The following EDEM2 variants were observed in gnomAD, a reference collection of about 807,000 sequenced individuals.
The protein encoded by EDEM2 is ER degradation enhancing alpha-mannosidase like protein 2.
In EDEM2, 39 loss-of-function variants were observed where a neutral mutation model predicts 64.8. The ratio of observed to expected loss-of-function variants is 0.60; its 90% CI spans 0.47 to 0.79. The LOEUF (loss-of-function observed/expected upper bound fraction) is 0.79. Ranked by LOEUF, EDEM2 falls within the 30% of genes least tolerant of loss-of-function variation. The probability of loss-of-function intolerance (pLI) is 0.00; values close to 1 mark genes in which losing one functional copy is unlikely to be tolerated. For missense variants in EDEM2, 609 were observed against 731.3 expected, an observed-to-expected ratio of 0.83 and a Z score of 1.93; for synonymous variants, 296 against 291.5, an observed-to-expected ratio of 1.02 and a Z score of -0.16.
At chr20:35,143,335 T>C (rs972945454) in intron 3 of EDEM2, among the ~76,000 whole-genome samples, 9 of 152,322 alleles carry the variant, frequency 5.9e-5, no homozygotes, top group African/African-American at 2.2e-4. Context: ...TAACATGGCT[T>C]TTAGTCTCTC....
chr20:35,137,126 T>A (rs1357457560), intron 5 of EDEM2, among the ~76,000 whole-genome samples: 1 of 152,084 alleles, frequency 6.6e-6, no homozygotes, highest in Non-Finnish European at 1.5e-5. Context: ...GAAACCAAAC[T>A]GTGGAGAGAG....
intron 7 of EDEM2, among the ~76,000 whole-genome samples, chr20:35,129,621 A>C (rs1449995364): frequency 6.6e-6 from 1 of 152,126 alleles, no homozygotes; most frequent in Non-Finnish European, 1.5e-5. Flanking sequence ...AATTTAAATA[A>C]ATTTAGTATA....
rs145586492 is a variant in EDEM2, at chr20:35,115,720, C to T, written c.1450G>A (p.Ala484Thr). The T allele has an allele frequency of 1.6e-4, 264 of 1,614,192 alleles. No homozygotes were observed. Among genetic ancestry groups the T allele is most frequent in the Admixed American group, 2.7e-4 (16 of 60,022 alleles). ...NTEAHPIDPA[A>T]LHCCQRLKEE... ...TTCAGCCTCTGGCAGCAGTGCAGGG[C>T]GGCAGGGTCGATGGGGTGAGCTTCT... Residue 484 changes from alanine (A) to threonine (T), a missense_variant, in exon 11 of 11, where the codon GCC (alanine) becomes ACC (threonine). Coordinates refer to ENST00000374492, the MANE Select transcript of EDEM2 (RefSeq NM_018217.3).
At chr20:35,124,361 G>A (rs1472867150) in intron 8 of EDEM2, among the ~76,000 whole-genome samples, 1 of 152,132 alleles carries the variant, frequency 6.6e-6, no homozygotes, top group Non-Finnish European at 1.5e-5. Context: ...AAAAGTTTGT[G>A]CTAAGGCTCA....
chr20:35,142,993 T>C (rs1424760114), intron 3 of EDEM2, among the ~76,000 whole-genome samples: 1 of 152,276 alleles, frequency 6.6e-6, no homozygotes, highest in Admixed American at 6.5e-5. Context: ...CCTGACCTCA[T>C]GATCCACCCG....
At chr20:35,126,007 A>C (rs1448290555) in intron 8 of EDEM2, among the ~76,000 whole-genome samples, 2 of 152,144 alleles carry the variant, frequency 1.3e-5, no homozygotes, top group Admixed American at 1.3e-4. Flanking sequence ...CCAGACTGGA[A>C]ATGCACTGTC....
intron 7 of EDEM2, among the ~76,000 whole-genome samples, chr20:35,131,063 C>T (rs1569178844): frequency 6.6e-6 from 1 of 152,110 alleles, no homozygotes; most frequent in Non-Finnish European, 1.5e-5. Context: ...AGAATTTGGA[C>T]ATAGGAAGAC....
At chr20:35,127,633 T>A (rs888352012) in intron 7 of EDEM2, among the ~76,000 whole-genome samples, 1 of 152,248 alleles carries the variant, frequency 6.6e-6, no homozygotes, top group African/African-American at 2.4e-5. Context: ...AAACAGTCCA[T>A]GTTCAGAGCT....
chr20:35,123,546 C>G (rs561196983), intron 9 of EDEM2, among the ~76,000 whole-genome samples: 2 of 150,708 alleles, frequency 1.3e-5, no homozygotes, highest in Admixed American at 6.6e-5. Context: ...GAGCCGAGAT[C>G]ACACCATTGC....
intron 4 of EDEM2, among the ~76,000 whole-genome samples, chr20:35,142,127 G>A (rs1326426578): frequency 6.6e-6 from 1 of 152,092 alleles, no homozygotes; most frequent in Non-Finnish European, 1.5e-5. Context: ...TTAAAGAGGT[G>A]AGTAATCTGG....
In EDEM2 at chr20:35,123,762, C is replaced by A. The variant is rs114246582; in HGVS notation, c.1114+128G>T. On this transcript the variant is annotated intron_variant, in intron 9 of 10. Transcript: ENST00000374492. ...TCCTAGTAAGAAAACCACCCAGAGCCACTGAAAGGAACAGATGGAAAGAAA... is the reference window on the plus strand; with the variant it reads ...TCCTAGTAAGAAAACCACCCAGAGCAACTGAAAGGAACAGATGGAAAGAAA... 1.6e-3 allele frequency: 1,886 copies of A among 1,206,746 alleles called. 24 individuals carry two copies. In the African/African-American group the frequency reaches 0.026, roughly 17 times the overall value. The allele number at this position is 1,206,746 out of a possible 1,614,324, so 74.8% of individuals were successfully genotyped here. A position where few individuals can be genotyped will look rare whatever the true frequency, so the allele number is the denominator to read the frequency against.
chr20:35,116,011 C>A, intron 10 of EDEM2, 78 bp from the exon 11 acceptor site: 5 of 1,504,394 alleles, frequency 3.3e-6, no homozygotes, highest in Non-Finnish European at 4.5e-6. Context: ...CTTAAGAAGG[C>A]CTGTTCTGCC....
Position 35,115,415 on chromosome 20 carries a change from A to T in EDEM2, c.*18T>A. 1 of 1,585,804 alleles carries T rather than the reference A, an allele frequency of 6.3e-7. No individual in the cohort carries two copies. The highest frequency in any genetic ancestry group is 8.6e-7 in the Non-Finnish European group (1 of 1,169,544). On this transcript the variant is annotated 3_prime_UTR_variant, in exon 11 of 11. Coordinates refer to ENST00000374492, the MANE Select transcript of EDEM2 (RefSeq NM_018217.3). ...AGTTTAGCCTCAAAAAAATAAAAATAAAAAAATTATCCAGTGGTTATGAGG... is the reference window on the plus strand; with the variant it reads ...AGTTTAGCCTCAAAAAAATAAAAATTAAAAAATTATCCAGTGGTTATGAGG...
intron 3 of EDEM2, among the ~76,000 whole-genome samples, chr20:35,142,776 G>GT (rs946141142): frequency 2.1e-5 from 3 of 146,234 alleles, no homozygotes; most frequent in Admixed American, 6.7e-5. Flanking sequence ...TTTTTGTTTC[G>GT]TTTTTTTGAG....
intron 9 of EDEM2, among the ~76,000 whole-genome samples, chr20:35,122,421 C>G (rs2047187492): frequency 6.6e-6 from 1 of 152,108 alleles, no homozygotes; most frequent in African/African-American, 2.4e-5. Context: ...TTTGCCCAGG[C>G]TGGAGTGCAA....
chr20:35,118,350 C>T lies in EDEM2; in HGVS notation c.1236+248G>A, dbSNP rs76195031. ...AAAGATCTCCACTGTGGGAGGAATG[C>T]CAAGGGCCGGGGTCAAGATCCCAAG... On this transcript the variant is annotated intron_variant, in intron 10 of 10. Coordinates refer to ENST00000374492, the MANE Select transcript of EDEM2 (RefSeq NM_018217.3). 3,921 of 484,188 alleles carry T rather than the reference C, an allele frequency of 8.1e-3. 20 individuals are homozygous for T. Among genetic ancestry groups the T allele is most frequent in the Non-Finnish European group, 0.01 (2,809 of 269,516 alleles). 30.0% of individuals were successfully genotyped at this position (484,188 alleles called of 1,614,324 possible).
chr20:35,118,436 C>T (rs1430274563), intron 10 of EDEM2, 162 bp downstream of exon 10: 17 of 1,061,402 alleles, frequency 1.6e-5, no homozygotes, highest in Non-Finnish European at 2.3e-5. Flanking sequence ...CTTAGCTTCT[C>T]TGTTCTTTGG....
intron 6 of EDEM2, among the ~76,000 whole-genome samples, chr20:35,133,382 C>CCAA (rs2085532354): frequency 6.6e-6 from 1 of 151,930 alleles, no homozygotes; most frequent in Admixed American, 6.6e-5. Flanking sequence ...GGGCATGGCA[C>CCAA]CAACAGAGTC....
intron 7 of EDEM2, among the ~76,000 whole-genome samples, chr20:35,126,678 C>T (rs770094689): frequency 4.6e-5 from 7 of 152,050 alleles, no homozygotes; most frequent in East Asian, 1.9e-4. Flanking sequence ...TTTGGGAGGC[C>T]GAGGTGGGCG....
Sources: allele counts gnomAD v4.1 joint callset (sites outside exome capture counted in the v4.1 genomes callset), GRCh38; gene constraint gnomAD v4.1.1; transcripts MANE v1.5; gene names NCBI Gene and HGNC (gene_info 2026-07-23, HGNC 2026-07-21).